Variants in AGR3 observed in about 807,000 individuals in gnomAD.
AGR3 encodes the protein anterior gradient 3, protein disulphide isomerase family member.
Under a neutral mutation model 24.5 loss-of-function variants are expected in AGR3, and 37 were observed. The ratio of observed to expected loss-of-function variants is 1.51; its 90% CI spans 1.16 to 1.99. The LOEUF (loss-of-function observed/expected upper bound fraction) is 1.99. Among genes scored for constraint, AGR3 ranks in the 30% most tolerant of loss-of-function variants. The pLI, the probability that AGR3 is intolerant of heterozygous loss-of-function variation, is 0.00. For synonymous variants in AGR3, 75 were observed against 61.6 expected, an observed-to-expected ratio of 1.22 and a Z score of -1.02; for missense variants, 228 against 191.1, an observed-to-expected ratio of 1.19 and a Z score of -1.14.
At chr7:16,880,862 C>T (rs1290258746) in intron 1 of AGR3, among the ~76,000 whole-genome samples, 2 of 152,030 alleles carry the variant, frequency 1.3e-5, no homozygotes, top group African/African-American at 4.8e-5. Flanking sequence ...TTGGGAGTTG[C>T]AGTGGAGGAA....
rs78355404 is a variant in AGR3 at position 16,874,321 on chromosome 7, T to C, written c.110-478A>G. Among the ~76,000 whole-genome samples the C allele has an allele frequency of 5.3e-3, 800 of 152,232 alleles. 1 individual carries two copies. The highest frequency in any genetic ancestry group is 0.018 in the African/African-American group (756 of 41,544). ...AAATAAGGGAATTCCAAGTTTTGCT[T>C]TGAATTCTGACATGGAAAAAATTCT... is the stretch of plus-strand genomic sequence containing the variant. On this transcript the variant is annotated intron_variant, in intron 2 of 7. Coordinates refer to ENST00000310398, the MANE Select transcript of AGR3 (RefSeq NM_176813.5).
At position 16,861,970 on chromosome 7, in the gene AGR3, CAA is replaced by C; in HGVS notation, c.303+12_303+13del. On this transcript the variant is annotated intron_variant, in intron 5 of 7. Coordinates refer to ENST00000310398, the MANE Select transcript of AGR3 (RefSeq NM_176813.5). ...AAATTATAGTATTAAGAAAACATCA[CAA>C]AGTTTATGTACCATAAGGTTTAGCA... The C allele has an allele frequency of 1.3e-6, 2 of 1,566,110 alleles. No homozygotes were observed. Among genetic ancestry groups the C allele is most frequent in the Non-Finnish European group, 1.7e-6 (2 of 1,151,820 alleles).
intron 1 of AGR3, among the ~76,000 whole-genome samples, chr7:16,879,755 G>A (rs1296419159): frequency 2.0e-5 from 3 of 152,150 alleles, no homozygotes. Context: ...AGGCATTGTG[G>A]AAAATGAAAA....
rs2115402593 is a variant in AGR3, at chr7:16,860,558, G to A, written c.393C>T (p.Asp131=). 6.2e-7 allele frequency: 1 copy of A among 1,613,578 alleles called. No individual in the cohort carries two copies. Among genetic ancestry groups the A allele is most frequent in the Admixed American group, 1.7e-5 (1 of 59,990 alleles). Reference sequence around the variant, plus strand: ...ATCTGTTAGAGTATCTTCCAGCTATGTCAGCTCTAACTGTTAAAGAAGGGT... The same window carrying A: ...ATCTGTTAGAGTATCTTCCAGCTATATCAGCTCTAACTGTTAAAGAAGGGT... ...FVDPSLTVRA[D]IAGRYSNRLY... The change falls in exon 7 of 8, where the codon GAC becomes GAT. Residue 131 remains aspartate (D), a synonymous_variant. Transcript: ENST00000310398.
chr7:16,864,439 G>C (rs1781709519), intron 3 of AGR3: 1 of 1,303,202 alleles, frequency 7.7e-7, no homozygotes, highest in Middle Eastern at 1.8e-4. Context: ...TTCCTCTGCA[G>C]AATGTCCTCC....
rs1055869191 is a variant in AGR3, at chr7:16,864,987, C to T, written c.174-2325G>A. The T allele has an allele frequency of 5.3e-5, 52 of 981,474 alleles. 4 individuals carry two copies. Among genetic ancestry groups the T allele is most frequent in the Non-Finnish European group, 6.6e-5 (40 of 605,054 alleles). The allele number at this position is 981,474 out of a possible 1,614,324, so 60.8% of individuals were successfully genotyped here. The stretch of plus-strand genomic sequence containing the variant: ...TAAATAAGTCTCCTGGCATGTGTGA[C>T]ATTTCTACTACCTCCTCAGGTTCAA... On this transcript the variant is annotated intron_variant, in intron 3 of 7. Coordinates refer to ENST00000310398, the MANE Select transcript of AGR3 (RefSeq NM_176813.5).
chr7:16,880,108 T>TTTCCCC (rs1782079424), intron 1 of AGR3, among the ~76,000 whole-genome samples: 2 of 135,756 alleles, frequency 1.5e-5, no homozygotes, highest in African/African-American at 5.8e-5. Context: ...TCCTTCCTTC[T>TTTCCCC]TTCCTTCCTT....
At chr7:16,857,996 T>TTC, downstream of AGR3, among the ~76,000 whole-genome samples, 1 of 151,782 alleles carries the variant, frequency 6.6e-6, no homozygotes, top group Admixed American at 6.6e-5. Flanking sequence ...ATTTTCTTTT[T>TTC]TTTTTTTTGA....
At chr7:16,865,365 G>T in intron 3 of AGR3, 1 of 1,146,244 alleles carries the variant, frequency 8.7e-7, no homozygotes, top group South Asian at 1.3e-5. Flanking sequence ...GTCAGGGACA[G>T]TAATTTTTCC....
rs546506213 is a variant in AGR3 at position 16,862,626 on chromosome 7, A to G, written c.210T>C (p.Asp70=). Residue 70 remains aspartate, a synonymous_variant, in exon 4 of 8, where the codon GAT becomes GAC. Coordinates refer to ENST00000310398, the MANE Select transcript of AGR3 (RefSeq NM_176813.5). ...TAAAATTACCTTGAGAGTATTGACA[A>G]TCCTCCAGGTGATGAATAACCATTA... The part of the protein sequence containing the change: ...KPLMVIHHLE[D]CQYSQALKKV... 1.7e-5 allele frequency: 26 copies of G among 1,538,460 alleles called. No homozygotes were observed. In the East Asian group the frequency reaches 4.8e-4, roughly 28 times the overall value.
At chr7:16,872,167 G>T (rs1052487810) in intron 3 of AGR3, among the ~76,000 whole-genome samples, 1 of 152,050 alleles carries the variant, frequency 6.6e-6, no homozygotes, top group Non-Finnish European at 1.5e-5. Context: ...TGAGTGAAAA[G>T]AACAAAACTG....
In AGR3 at chr7:16,878,518, A is replaced by T; in HGVS notation, c.101T>A (p.Leu34His). The change falls in exon 2 of 8, where the codon CTC becomes CAC. Residue 34 changes from leucine (L) to histidine (H), a missense_variant. Physicochemically the swap from Leu to His is moderately conservative, Grantham distance 99. Transcript: ENST00000310398. ...IKKEKRPPQT[L>H]SRGWGDDITW... ...AAATGAGATTACAGCACCTCTTGAG[A>T]GTGTCTGAGGAGGCCTCTTTTCCTT... 1 of 1,613,224 alleles carries T rather than the reference A, an allele frequency of 6.2e-7. No homozygotes were observed. Among genetic ancestry groups the T allele is most frequent in the Non-Finnish European group, 8.5e-7 (1 of 1,179,162 alleles).
chr7:16,868,858 T>A (rs1372554577), intron 3 of AGR3, among the ~76,000 whole-genome samples: 1 of 151,096 alleles, frequency 6.6e-6, no homozygotes, highest in Non-Finnish European at 1.5e-5. Flanking sequence ...CTGAATAGTA[T>A]TTTATTGTGT....
At chr7:16,862,197 T>C (rs2115299933) in intron 4 of AGR3, 137 bp from the exon 5 acceptor site, 1 of 652,350 alleles carries the variant, frequency 1.5e-6, no homozygotes. Flanking sequence ...CATTGGCCTA[T>C]TGCCACTTTG....
At chr7:16,879,810 A>G (rs73082167) in intron 1 of AGR3, among the ~76,000 whole-genome samples, 4,586 of 152,300 alleles carry the variant, frequency 0.03, 245 homozygotes, top group African/African-American at 0.1. Flanking sequence ...ACATTTGGCA[A>G]TTTTAATCAC....
intron 3 of AGR3, chr7:16,864,364 C>T: frequency 7.6e-7 from 1 of 1,320,474 alleles, no homozygotes; most frequent in Non-Finnish European, 1.1e-6. Flanking sequence ...TTCACTGGCA[C>T]TATTCTGACT....
chr7:16,864,650 C>G (rs1470229462), intron 3 of AGR3: 2 of 1,582,006 alleles, frequency 1.3e-6, no homozygotes, highest in African/African-American at 1.3e-5. Flanking sequence ...AGGCATAAAG[C>G]TGGTAGGCAG....
At chr7:16,857,647 A>G (rs1781572681), downstream of AGR3, among the ~76,000 whole-genome samples, 1 of 152,152 alleles carries the variant, frequency 6.6e-6, no homozygotes, top group Non-Finnish European at 1.5e-5. Flanking sequence ...AAAAATCAAA[A>G]TAGGCTGTAA....
chr7:16,881,803 C>A, intron 1 of AGR3, 141 bp downstream of exon 1: 1 of 369,854 alleles, frequency 2.7e-6, no homozygotes, highest in Non-Finnish European at 5.4e-6. Context: ...AAATCCAGTT[C>A]AGTAAAAGAA....
Sources: gnomAD v4.1 joint callset for allele counts (sites outside exome capture counted in the v4.1 genomes callset) on GRCh38, gnomAD v4.1.1 for gene constraint, MANE v1.5 for transcripts, NCBI Gene and HGNC (gene_info 2026-07-23, HGNC 2026-07-21) for gene names.